The following ASCC2 variants were observed in gnomAD, a reference collection of about 807,000 sequenced individuals.
ASCC2 encodes the protein activating signal cointegrator 1 complex subunit 2, also known as ASC-1 complex subunit P100.
ASCC2 carries 42 observed loss-of-function variants against 93.5 expected under a neutral mutation model. That is an observed-to-expected ratio of 0.45 (90% confidence interval 0.35 to 0.58). The LOEUF is 0.58. Ranked by LOEUF, ASCC2 falls within the 20% of genes least tolerant of loss-of-function variation. The pLI is 0.00. For synonymous variants in ASCC2, 364 were observed against 384.2 expected (o/e 0.95, Z 0.62); for missense variants, 859 against 977.6 (o/e 0.88, Z 1.62).
intron 14 of ASCC2, 57 bp from the exon 15 acceptor site, chr22:29,801,167 C>T (rs2059035825): frequency 1.3e-6 from 2 of 1,546,178 alleles, no homozygotes; most frequent in Non-Finnish European, 1.8e-6. Flanking sequence ...ATGCAATCTG[C>T]ACCCCACTTC....
rs150662727 is a variant in ASCC2, at chr22:29,802,046, G to A, written c.1516C>T (p.Leu506=). The A allele has an allele frequency of 9.9e-5, 159 of 1,613,198 alleles. No individual in the cohort carries two copies. Among genetic ancestry groups the A allele is most frequent in the Admixed American group, 4.2e-4 (25 of 59,872 alleles). Residue 506 remains leucine (L), a synonymous_variant, in exon 14 of 20, where the codon CTG becomes TTG. Coordinates refer to ENST00000307790, the MANE Select transcript of ASCC2 (RefSeq NM_032204.5). ...AGGGTGGGGGCCAGCCGCTCCTCCA[G>A]GATATTGTTGATCACCTGCTCTGGG... ...YDPEQVINNI[L]EERLAPTLSQ... is the part of the protein sequence containing the mutation.
intron 8 of ASCC2, chr22:29,810,373 G>C (rs932985512): frequency 6.6e-6 from 1 of 152,230 alleles, no homozygotes; most frequent in Non-Finnish European, 1.5e-5. Context: ...GCTGAATTTG[G>C]AGCAAGTCCT....
rs1317878042 is a variant in ASCC2, at chr22:29,800,849, GTGCA to G, written c.1688+138_1688+141del. 899 of 978,524 alleles carry G rather than the reference GTGCA, an allele frequency of 9.2e-4. 4 individuals are homozygous for G. The highest frequency in any genetic ancestry group is 2.2e-3 in the South Asian group (76 of 34,290). 60.6% of individuals were successfully genotyped at this position (978,524 alleles called of 1,614,324 possible). On this transcript the variant is annotated intron_variant, in intron 15 of 19. Coordinates refer to ENST00000307790, the MANE Select transcript of ASCC2 (RefSeq NM_032204.5). ...GAGAACCTGCTCCTAACCACTGGGG[GTGCA>G]CAGGTCTAGGGTTGTGAAGGGATCC...
chr22:29,793,083 T>C (rs2147376929), intron 17 of ASCC2, among the ~76,000 whole-genome samples: 1 of 152,136 alleles, frequency 6.6e-6, no homozygotes, highest in Admixed American at 6.5e-5. Flanking sequence ...GTCCAGGAGG[T>C]CAAGGCTGCA....
intron 19 of ASCC2, 116 bp from the exon 20 acceptor site, chr22:29,789,300 C>T: frequency 8.0e-7 from 1 of 1,242,400 alleles, no homozygotes; most frequent in Non-Finnish European, 1.1e-6. Flanking sequence ...GGCCTGGTCA[C>T]TCATGTCCCA....
chr22:29,816,984 T>A (rs542872768), intron 5 of ASCC2, among the ~76,000 whole-genome samples: 116 of 152,364 alleles, frequency 7.6e-4, no homozygotes, highest in African/African-American at 2.7e-3. Flanking sequence ...TGGGCAGGTC[T>A]GTCCTTGGTT....
chr22:29,792,546 G>A lies in ASCC2; in HGVS notation c.1920-11C>T. ...GGGATGGTGAATGGCCTGAGGGTGTGGAGAGAAATGAGATCAAAGACGAGG... is the reference window on the plus strand; with the variant it reads ...GGGATGGTGAATGGCCTGAGGGTGTAGAGAGAAATGAGATCAAAGACGAGG... On this transcript the variant is annotated splice_polypyrimidine_tract_variant and intron_variant, in intron 17 of 19. Coordinates refer to ENST00000307790, the MANE Select transcript of ASCC2 (RefSeq NM_032204.5). 3 of 1,613,452 alleles carry A rather than the reference G, an allele frequency of 1.9e-6. No individual in the cohort carries two copies. Among genetic ancestry groups the A allele is most frequent in the Non-Finnish European group, 2.5e-6 (3 of 1,179,598 alleles).
Position 29,793,626 on chromosome 22 carries a change from A to C in ASCC2, c.1739T>G (p.Val580Gly). Residue 580 changes from valine to glycine, a missense_variant, in exon 16 of 20, where the codon GTG becomes GGG. Physicochemically the swap from Val to Gly is moderately radical, Grantham distance 109. Transcript: ENST00000307790. The part of the protein sequence containing the change: ...TRSLLNDKRA[V>G]AAQRQRYEQY... Reference sequence around the variant, plus strand: ...CTCGTAGCGCTGCCGCTGTGCCGCCACTGCACGCTTGTCGTTCAGCAAACT... The same window carrying C: ...CTCGTAGCGCTGCCGCTGTGCCGCCCCTGCACGCTTGTCGTTCAGCAAACT... The C allele has an allele frequency of 1.2e-6, 2 of 1,604,988 alleles. No individual in the cohort carries two copies. Among genetic ancestry groups the C allele is most frequent in the Non-Finnish European group, 1.7e-6 (2 of 1,176,250 alleles).
chr22:29,806,394 T>A, intron 11 of ASCC2, 91 bp downstream of exon 11: 2 of 1,567,682 alleles, frequency 1.3e-6, no homozygotes, highest in Non-Finnish European at 1.8e-6. Context: ...TTATTAGAGC[T>A]GTGGTGGGCC....
chr22:29,793,232 G>T (rs1269793997), intron 17 of ASCC2, 128 bp downstream of exon 17: 23 of 1,331,914 alleles, frequency 1.7e-5, no homozygotes, highest in Non-Finnish European at 2.4e-5. Flanking sequence ...GAGGAGCACT[G>T]GATTAGGAGT....
intron 9 of ASCC2, among the ~76,000 whole-genome samples, chr22:29,807,745 C>CA (rs1174484534): frequency 6.6e-6 from 1 of 151,918 alleles, no homozygotes; most frequent in Non-Finnish European, 1.5e-5. Context: ...CCCATCTCTA[C>CA]AAAAAATACA....
In ASCC2 at chr22:29,805,691, T is replaced by C. The variant is rs76493134; in HGVS notation, c.1160+525A>G. ...GACTGCCCCCTGTACTCTATACACGTCTGTGGCTCTAAGGAGCCTGTTTTC... is the reference window on the plus strand; with the variant it reads ...GACTGCCCCCTGTACTCTATACACGCCTGTGGCTCTAAGGAGCCTGTTTTC... On this transcript the variant is annotated intron_variant, in intron 12 of 19. Transcript: ENST00000307790. Among the ~76,000 whole-genome samples the C allele has an allele frequency of 2.6e-3, 396 of 152,186 alleles. 1 individual carries two copies. Among genetic ancestry groups the C allele is most frequent in the African/African-American group, 9.2e-3 (383 of 41,528 alleles).
At chr22:29,795,895 G>T (rs2058366566) in intron 15 of ASCC2, among the ~76,000 whole-genome samples, 2 of 152,016 alleles carry the variant, frequency 1.3e-5, no homozygotes, top group African/African-American at 4.8e-5. Flanking sequence ...TGTGAAATCG[G>T]GTCTCTGGAA....
chr22:29,803,598 C>T (rs1307532058), intron 13 of ASCC2, among the ~76,000 whole-genome samples: 2 of 152,230 alleles, frequency 1.3e-5, no homozygotes, highest in Non-Finnish European at 2.9e-5. Flanking sequence ...AGGCGAACAT[C>T]AACCACCAGA....
chr22:29,814,806 A>C (rs2060651012), intron 6 of ASCC2, 39 bp from the exon 7 acceptor site: 8 of 1,558,718 alleles, frequency 5.1e-6, no homozygotes, highest in Middle Eastern at 1.7e-4. Flanking sequence ...CATCATACTG[A>C]ACCAGGGCTA....
At position 29,806,508 on chromosome 22, in the gene ASCC2, G is replaced by A; in HGVS notation, c.1062C>T (p.Phe354=). The A allele has an allele frequency of 6.2e-7, 1 of 1,614,056 alleles. No individual in the cohort carries two copies. The highest frequency in any genetic ancestry group is 8.5e-7 in the Non-Finnish European group (1 of 1,179,974). ...ACCTCTTCTCCTGCAGCAAGGAGCTGAAGATCTGAAGGAACTCTTCGATGA... is the reference window on the plus strand; with the variant it reads ...ACCTCTTCTCCTGCAGCAAGGAGCTAAAGATCTGAAGGAACTCTTCGATGA... The part of the protein sequence containing the change: ...QGFIEEFLQI[F]SSLLQEKRFL... Residue 354 remains phenylalanine (F), a synonymous_variant, in exon 11 of 20, where the codon TTC becomes TTT. Coordinates refer to ENST00000307790, the MANE Select transcript of ASCC2 (RefSeq NM_032204.5).
chr22:29,813,594 T>G (rs1408037544), intron 7 of ASCC2, 52 bp from the exon 8 acceptor site: 6 of 1,208,672 alleles, frequency 5.0e-6, no homozygotes, highest in Admixed American at 1.8e-5. Flanking sequence ...CACATACAGA[T>G]CTGCAGAGCA....
intron 8 of ASCC2, 95 bp from the exon 9 acceptor site, chr22:29,808,280 A>G: frequency 7.7e-6 from 10 of 1,300,550 alleles, no homozygotes; most frequent in South Asian, 1.3e-5. Flanking sequence ...GGGAAGGCCC[A>G]TTTCTTTTTC....
At chr22:29,822,146 C>A (rs1345081091) in intron 5 of ASCC2, 189 bp downstream of exon 5, 1 of 697,158 alleles carries the variant, frequency 1.4e-6, no homozygotes, top group Non-Finnish European at 2.4e-6. Flanking sequence ...TTATTTCCAC[C>A]TCCCTAGGTA....
Sources: gnomAD v4.1 joint callset for allele counts (sites outside exome capture counted in the v4.1 genomes callset) on GRCh38, gnomAD v4.1.1 for gene constraint, MANE v1.5 for transcripts, NCBI Gene and HGNC (gene_info 2026-07-23, HGNC 2026-07-21) for gene names.